Variants in RHOBTB3 observed in about 807,000 individuals in gnomAD.
The protein encoded by RHOBTB3 is Rho related BTB domain containing 3, also known as rho-related BTB domain-containing protein 3.
In RHOBTB3, 47 loss-of-function variants were observed where a neutral mutation model predicts 67.2. That is an observed-to-expected ratio of 0.70 (90% CI 0.55 to 0.89). RHOBTB3 has a LOEUF of 0.89. Ranked by LOEUF, RHOBTB3 falls within the 40% of genes least tolerant of loss-of-function variation. The pLI is 0.00. For synonymous variants in RHOBTB3, 273 were observed against 274.2 expected, an observed-to-expected ratio of 1.00 and a Z score of 0.04; for missense variants, 631 against 750.0, an observed-to-expected ratio of 0.84 and a Z score of 1.85.
intron 6 of RHOBTB3, chr5:95,755,977 A>G (rs1200524956): frequency 4.1e-6 from 2 of 488,222 alleles, no homozygotes; most frequent in African/African-American, 1.9e-5. Flanking sequence ...TTTCCCTATC[A>G]ATTTCATTTT....
intron 4 of RHOBTB3, among the ~76,000 whole-genome samples, chr5:95,749,496 G>T (rs1274328994): frequency 6.6e-6 from 1 of 152,174 alleles, no homozygotes. Flanking sequence ...CAATGTTAAA[G>T]AAGATATACT....
At chr5:95,749,024 G>A (rs552120163) in intron 4 of RHOBTB3, among the ~76,000 whole-genome samples, 3 of 152,166 alleles carry the variant, frequency 2.0e-5, no homozygotes, top group Non-Finnish European at 4.4e-5. Flanking sequence ...CTTGGTTGCC[G>A]TGGCGCATAT....
intron 5 of RHOBTB3, among the ~76,000 whole-genome samples, chr5:95,752,858 G>A (rs1006590087): frequency 2.6e-5 from 4 of 152,096 alleles, no homozygotes; most frequent in African/African-American, 4.8e-5. Context: ...AGTCCCGGGC[G>A]CGGTGGCTCA....
intron 8 of RHOBTB3, among the ~76,000 whole-genome samples, chr5:95,777,662 A>G (rs1160326345): frequency 2.0e-5 from 3 of 152,252 alleles, no homozygotes; most frequent in African/African-American, 4.8e-5. Context: ...TGAAAGATCT[A>G]ACCATACTAA....
chr5:95,732,923 G>C (rs566552241), intron 2 of RHOBTB3, among the ~76,000 whole-genome samples: 1 of 152,026 alleles, frequency 6.6e-6, no homozygotes, highest in African/African-American at 2.4e-5. Flanking sequence ...TTGGAGTTAC[G>C]TATGTTTCAG....
intron 3 of RHOBTB3, among the ~76,000 whole-genome samples, chr5:95,742,725 A>G (rs1755633642): frequency 6.6e-6 from 1 of 152,174 alleles, no homozygotes; most frequent in Admixed American, 6.5e-5. Flanking sequence ...CAGATCTCTA[A>G]TGGCTGTTTT....
intron 9 of RHOBTB3, chr5:95,782,262 A>G (rs1746070712): frequency 1.3e-5 from 2 of 152,226 alleles, no homozygotes; most frequent in South Asian, 4.1e-4. Context: ...CATAGCTACA[A>G]AAGAATGTAA....
At chr5:95,762,034 G>A (rs570331967) in intron 6 of RHOBTB3, among the ~76,000 whole-genome samples, 1 of 152,212 alleles carries the variant, frequency 6.6e-6, no homozygotes, top group Non-Finnish European at 1.5e-5. Flanking sequence ...AGCAATCAGT[G>A]AAAGCATAAA....
chr5:95,750,431 T>G (rs905025065), intron 4 of RHOBTB3, among the ~76,000 whole-genome samples: 1 of 152,186 alleles, frequency 6.6e-6, no homozygotes, highest in African/African-American at 2.4e-5. Flanking sequence ...CTATTTATAT[T>G]TAAATGAATT....
chr5:95,726,450 T>G (rs1409228598), upstream of RHOBTB3, among the ~76,000 whole-genome samples: 5 of 152,258 alleles, frequency 3.3e-5, no homozygotes, highest in Non-Finnish European at 7.3e-5. Flanking sequence ...TGGTGTTTAG[T>G]TTTTAAGTTG....
chr5:95,772,608 G>A (rs1178566769), intron 8 of RHOBTB3, among the ~76,000 whole-genome samples: 1 of 152,094 alleles, frequency 6.6e-6, no homozygotes, highest in East Asian at 1.9e-4. Flanking sequence ...TTCTTTGTGT[G>A]TGTGCTTTAG....
At chr5:95,762,656 T>G (rs1347759801) in intron 6 of RHOBTB3, among the ~76,000 whole-genome samples, 1 of 152,180 alleles carries the variant, frequency 6.6e-6, no homozygotes, top group Non-Finnish European at 1.5e-5. Context: ...ATAGGATGGA[T>G]GCGTGTAATC....
chr5:95,729,352 A>G (rs1435727829), upstream of RHOBTB3, among the ~76,000 whole-genome samples: 2 of 152,184 alleles, frequency 1.3e-5, no homozygotes, highest in Admixed American at 1.3e-4. Flanking sequence ...TACCCAGCAC[A>G]GGCTTGGCTC....
intron 1 of RHOBTB3, among the ~76,000 whole-genome samples, chr5:95,720,024 G>T (rs1435787396): frequency 6.6e-6 from 1 of 152,188 alleles, no homozygotes; most frequent in Non-Finnish European, 1.5e-5. Flanking sequence ...GACAGTGTTT[G>T]CTACCTATTA....
chr5:95,724,547 G>C (rs1001196642), intron 1 of RHOBTB3, among the ~76,000 whole-genome samples: 1 of 152,130 alleles, frequency 6.6e-6, no homozygotes, highest in Non-Finnish European at 1.5e-5. Flanking sequence ...AGACCCTGGG[G>C]CCAATTGTCT....
chr5:95,763,670 C>A, intron 7 of RHOBTB3, 50 bp downstream of exon 7: 1 of 1,005,752 alleles, frequency 9.9e-7, no homozygotes, highest in Non-Finnish European at 1.6e-6. Context: ...TGAATTATAA[C>A]TCACATACTA....
At chr5:95,759,607 A>G (rs1379663685) in intron 6 of RHOBTB3, among the ~76,000 whole-genome samples, 1 of 152,238 alleles carries the variant, frequency 6.6e-6, no homozygotes, top group Non-Finnish European at 1.5e-5. Flanking sequence ...GAAAAAATGT[A>G]TTTTGTAATC....
At chr5:95,745,906 A>G (rs765389588) in intron 3 of RHOBTB3, among the ~76,000 whole-genome samples, 5 of 152,138 alleles carry the variant, frequency 3.3e-5, no homozygotes, top group Non-Finnish European at 7.4e-5. Flanking sequence ...GCTGACTGAT[A>G]TTGAAGAATA....
intron 11 of RHOBTB3, among the ~76,000 whole-genome samples, chr5:95,791,835 C>G (rs564436158): frequency 1.3e-5 from 2 of 152,032 alleles, no homozygotes; most frequent in South Asian, 4.1e-4. Context: ...CATGAGCCAT[C>G]GTGCCTGGCC....
Sources: allele counts gnomAD v4.1 joint callset (sites outside exome capture counted in the v4.1 genomes callset), GRCh38; gene constraint gnomAD v4.1.1; transcripts MANE v1.5; gene names NCBI Gene and HGNC (gene_info 2026-07-23, HGNC 2026-07-21).